INPP4B: variants seen among roughly 807,000 people sequenced by gnomAD.
The protein encoded by INPP4B is inositol polyphosphate-4-phosphatase type II B, also known as inositol polyphosphate 4-phosphatase type II.
Under a neutral mutation model 122.5 loss-of-function variants are expected in INPP4B, and 55 were observed. The observed-to-expected ratio is 0.45, with a 90% confidence interval of 0.36 to 0.56. The LOEUF (loss-of-function observed/expected upper bound fraction) is 0.56, where lower values mean the gene tolerates loss of function less well. Among genes scored for constraint, INPP4B ranks in the 20% least tolerant of loss-of-function variants. The probability of loss-of-function intolerance (pLI) is 0.00; values close to 1 mark genes in which losing one functional copy is unlikely to be tolerated. For synonymous variants in INPP4B, 403 were observed against 388.7 expected (o/e 1.04, Z -0.43); for missense variants, 1,000 against 1,097.7 (o/e 0.91, Z 1.26).
In INPP4B at chr4:142,388,009, C is replaced by T. The variant is rs72724553; in HGVS notation, c.372+14929G>A. 5.3e-3 allele frequency among the ~76,000 whole-genome samples: 804 copies of T among 152,302 alleles called. 3 individuals are homozygous for T. The highest frequency in any genetic ancestry group is 9.3e-3 in the Non-Finnish European group (631 of 68,028). The stretch of plus-strand genomic sequence containing the variant: ...GAAAACTATCTGGTTAATGTCTGTG[C>T]GACCTTTATTATTTGCTGATTCTCT... On this transcript the variant is annotated intron_variant, in intron 7 of 25. Transcript: ENST00000262992.
intron 1 of INPP4B, among the ~76,000 whole-genome samples, chr4:142,806,792 A>AAAGAAAGAAAG (rs1778867400): frequency 2.3e-5 from 3 of 132,328 alleles, no homozygotes; most frequent in Non-Finnish European, 4.9e-5. Context: ...AGAAGGAAAG[A>AAAGAAAGAAAG]AAGAAAGAAA....
chr4:142,273,456 G>A (rs1746879869), intron 9 of INPP4B, among the ~76,000 whole-genome samples: 1 of 151,838 alleles, frequency 6.6e-6, no homozygotes, highest in Non-Finnish European at 1.5e-5. Flanking sequence ...ATAAGAGGAT[G>A]TTATGATGTT....
intron 14 of INPP4B, among the ~76,000 whole-genome samples, chr4:142,206,727 T>A (rs1233637667): frequency 6.6e-6 from 1 of 152,076 alleles, no homozygotes; most frequent in Non-Finnish European, 1.5e-5. Flanking sequence ...ACTTATGCCA[T>A]AAGCCTATCC....
intron 23 of INPP4B, among the ~76,000 whole-genome samples, chr4:142,087,591 A>G (rs1030446812): frequency 3.3e-5 from 5 of 152,220 alleles, no homozygotes; most frequent in Non-Finnish European, 7.3e-5. Context: ...GAGGCTAAAA[A>G]CAGGAGAAAA....
At chr4:142,280,416 CTGAA>C (rs1232612871) in intron 9 of INPP4B, among the ~76,000 whole-genome samples, 29 of 152,060 alleles carry the variant, frequency 1.9e-4, no homozygotes, top group African/African-American at 5.8e-4. Flanking sequence ...AGACATTGGA[CTGAA>C]TGAATGAAGT....
At chr4:142,255,138 A>G (rs1343034874) in intron 11 of INPP4B, among the ~76,000 whole-genome samples, 3 of 152,000 alleles carry the variant, frequency 2.0e-5, no homozygotes, top group Admixed American at 6.6e-5. Context: ...AAAATACTTT[A>G]CAGACAAGAA....
intron 1 of INPP4B, among the ~76,000 whole-genome samples, chr4:142,842,706 A>T (rs1196908459): frequency 4.5e-5 from 6 of 132,460 alleles, no homozygotes; most frequent in Admixed American, 8.5e-5. Flanking sequence ...TATAATATAT[A>T]AATATAATAT....
intron 7 of INPP4B, among the ~76,000 whole-genome samples, chr4:142,329,030 T>C (rs749670066): frequency 3.3e-5 from 5 of 152,220 alleles, no homozygotes; most frequent in Non-Finnish European, 7.3e-5. Flanking sequence ...CCTCCCTCCA[T>C]GCCTTTGCAT....
At chr4:142,478,376 C>T (rs1413046612) in intron 2 of INPP4B, among the ~76,000 whole-genome samples, 2 of 151,606 alleles carry the variant, frequency 1.3e-5, no homozygotes, top group Non-Finnish European at 2.9e-5. Flanking sequence ...TCCTTTTGCC[C>T]ATTCAATATG....
chr4:142,046,892 G>C (rs1751782680), intron 25 of INPP4B, among the ~76,000 whole-genome samples: 1 of 152,044 alleles, frequency 6.6e-6, no homozygotes, highest in Non-Finnish European at 1.5e-5. Context: ...AAAAAGATGG[G>C]AGTGAGTGAA....
At chr4:142,643,809 T>C (rs909015464) in intron 2 of INPP4B, among the ~76,000 whole-genome samples, 1 of 152,228 alleles carries the variant, frequency 6.6e-6, no homozygotes, top group South Asian at 2.1e-4. Context: ...ATAGTAAGTA[T>C]GGTGCTGAAT....
intron 2 of INPP4B, among the ~76,000 whole-genome samples, chr4:142,576,897 T>C (rs998447364): frequency 1.3e-5 from 2 of 152,044 alleles, no homozygotes; most frequent in Non-Finnish European, 2.9e-5. Context: ...TAAAAAGCTA[T>C]AAAGAAACTA....
chr4:142,340,613 A>G (rs1778378370), intron 7 of INPP4B, among the ~76,000 whole-genome samples: 1 of 151,898 alleles, frequency 6.6e-6, no homozygotes, highest in Non-Finnish European at 1.5e-5. Context: ...GATTCTCACT[A>G]TGTCGCCCAG....
intron 1 of INPP4B, among the ~76,000 whole-genome samples, chr4:142,740,550 G>A (rs995566833): frequency 6.6e-6 from 1 of 151,970 alleles, no homozygotes; most frequent in Non-Finnish European, 1.5e-5. Flanking sequence ...TGGGTACATT[G>A]GTGGTGTTTA....
chr4:142,720,766 T>TGTATATATA (rs1560996446), intron 2 of INPP4B, among the ~76,000 whole-genome samples: 10 of 12,108 alleles, frequency 8.3e-4, no homozygotes, highest in African/African-American at 2.4e-3. Context: ...ATATAATCTC[T>TGTATATATA]CTCTCTCTCT....
At chr4:142,646,362 AAAG>A (rs1300931709) in intron 2 of INPP4B, among the ~76,000 whole-genome samples, 2 of 152,098 alleles carry the variant, frequency 1.3e-5, no homozygotes, top group African/African-American at 2.4e-5. Flanking sequence ...TATTTTTAAA[AAAG>A]AAGAAGAAAA....
At chr4:142,701,248 C>T (rs796669233) in intron 2 of INPP4B, among the ~76,000 whole-genome samples, 8 of 152,214 alleles carry the variant, frequency 5.3e-5, no homozygotes, top group African/African-American at 1.9e-4. Flanking sequence ...GATATCCCAC[C>T]CATTTGGTCT....
intron 1 of INPP4B, among the ~76,000 whole-genome samples, chr4:142,816,298 C>T (rs1780107201): frequency 6.6e-6 from 1 of 152,078 alleles, no homozygotes; most frequent in African/African-American, 2.4e-5. Context: ...TTGCTAATTT[C>T]CATTTCGTAA....
chr4:142,296,049 G>A (rs976601725), intron 9 of INPP4B, among the ~76,000 whole-genome samples: 4 of 150,874 alleles, frequency 2.7e-5, no homozygotes, highest in African/African-American at 7.3e-5. Flanking sequence ...AGGTCTTTGT[G>A]TACAGATATT....
Sources: gnomAD v4.1 joint callset for allele counts (sites outside exome capture counted in the v4.1 genomes callset) on GRCh38, gnomAD v4.1.1 for gene constraint, MANE v1.5 for transcripts, NCBI Gene and HGNC (gene_info 2026-07-23, HGNC 2026-07-21) for gene names.